The following NEGR1 variants were observed in gnomAD, a reference collection of about 807,000 sequenced individuals.
NEGR1 encodes IgLON family member 4.
Under a neutral mutation model 40.9 loss-of-function variants are expected in NEGR1, and 10 were observed. That is an observed-to-expected ratio of 0.24 (90% CI 0.15 to 0.42). The LOEUF (loss-of-function observed/expected upper bound fraction) is 0.42, where lower values mean the gene tolerates loss of function less well. NEGR1 is among the 10% of genes least tolerant of loss of function. The pLI is 1.00. For synonymous variants in NEGR1, 185 were observed against 166.8 expected (o/e 1.11, Z -0.84); for missense variants, 352 against 438.9 (o/e 0.80, Z 1.77).
intron 6 of NEGR1, among the ~76,000 whole-genome samples, chr1:71,502,613 T>G (rs571308704): frequency 6.6e-6 from 1 of 152,252 alleles, no homozygotes; most frequent in African/African-American, 2.4e-5. Flanking sequence ...CTGATTTAAG[T>G]GGCCCACTCT....
At chr1:71,668,848 A>C (rs1416373472) in intron 4 of NEGR1, among the ~76,000 whole-genome samples, 1 of 152,168 alleles carries the variant, frequency 6.6e-6, no homozygotes, top group Non-Finnish European at 1.5e-5. Flanking sequence ...AATGGAGGGA[A>C]TGTTCCCAAG....
chr1:72,196,353 A>G (rs1652998455), intron 1 of NEGR1, among the ~76,000 whole-genome samples: 1 of 152,150 alleles, frequency 6.6e-6, no homozygotes, highest in Non-Finnish European at 1.5e-5. Context: ...GATTTTCAAC[A>G]TGAATTTGTT....
At chr1:71,732,485 C>T (rs866559636) in intron 3 of NEGR1, among the ~76,000 whole-genome samples, 84 of 137,682 alleles carry the variant, frequency 6.1e-4, no homozygotes, top group African/African-American at 2.1e-3. Flanking sequence ...CGACACATTA[C>T]TGAATGCTGT....
intron 6 of NEGR1, among the ~76,000 whole-genome samples, chr1:71,408,503 G>A (rs1646293918): frequency 6.6e-6 from 1 of 151,986 alleles, no homozygotes; most frequent in African/African-American, 2.4e-5. Context: ...CTGAATACCT[G>A]AAAATTCACC....
intron 1 of NEGR1, among the ~76,000 whole-genome samples, chr1:72,229,149 C>T (rs1276476931): frequency 1.3e-5 from 2 of 151,834 alleles, no homozygotes; most frequent in Non-Finnish European, 2.9e-5. Flanking sequence ...GTATTAGAAA[C>T]CATTACTAAA....
chr1:71,898,417 T>C (rs956313437), intron 2 of NEGR1, among the ~76,000 whole-genome samples: 1 of 152,026 alleles, frequency 6.6e-6, no homozygotes, highest in Non-Finnish European at 1.5e-5. Context: ...AGATCGAGAC[T>C]ATCCTGGCTA....
At chr1:71,648,068 C>G (rs1242234506) in intron 4 of NEGR1, among the ~76,000 whole-genome samples, 1 of 151,934 alleles carries the variant, frequency 6.6e-6, no homozygotes, top group Non-Finnish European at 1.5e-5. Flanking sequence ...TTTTCTTGAG[C>G]CTGAAAAATA....
intron 4 of NEGR1, among the ~76,000 whole-genome samples, chr1:71,633,469 T>C (rs1325372736): frequency 6.6e-6 from 1 of 152,070 alleles, no homozygotes; most frequent in Admixed American, 6.6e-5. Context: ...AGTTTGAGTC[T>C]AAAAGTGGGA....
At chr1:71,621,574 C>T (rs1650609755) in intron 4 of NEGR1, among the ~76,000 whole-genome samples, 1 of 150,816 alleles carries the variant, frequency 6.6e-6, no homozygotes, top group Admixed American at 6.6e-5. Context: ...CTTTGATTCC[C>T]TTATGTTTGA....
intron 1 of NEGR1, among the ~76,000 whole-genome samples, chr1:71,960,619 G>GT (rs1470418536): frequency 2.0e-5 from 3 of 152,036 alleles, no homozygotes; most frequent in Non-Finnish European, 2.9e-5. Flanking sequence ...CTGTTATTAG[G>GT]TTTTTTCATT....
Position 71,926,860 on chromosome 1 carries a change from A to C in NEGR1, c.409+8219T>G, listed in dbSNP as rs531794561. 7.9e-5 allele frequency among the ~76,000 whole-genome samples: 12 copies of C among 152,308 alleles called. No individual in the cohort carries two copies. The South Asian group carries it at 1.4e-3, about 18-fold the overall frequency. On this transcript the variant is annotated intron_variant, in intron 2 of 6. Coordinates refer to ENST00000357731, the MANE Select transcript of NEGR1 (RefSeq NM_173808.3). ...AAAACTTCATGTGATAATTTTGCTT[A>C]GGAATATATGATCTATATATTTACA...
At chr1:71,693,734 C>T (rs1653376418) in intron 4 of NEGR1, among the ~76,000 whole-genome samples, 1 of 151,520 alleles carries the variant, frequency 6.6e-6, no homozygotes, top group South Asian at 2.1e-4. Context: ...ATTTCCAAAA[C>T]TGGCACTCTT....
intron 1 of NEGR1, among the ~76,000 whole-genome samples, chr1:72,239,068 C>T (rs1654651964): frequency 6.6e-6 from 1 of 151,822 alleles, no homozygotes; most frequent in South Asian, 2.1e-4. Flanking sequence ...CTTCACATGA[C>T]TTTTGGGTCA....
chr1:71,984,420 C>T lies in NEGR1; in HGVS notation c.177-49109G>A, dbSNP rs927962287. ...GATTACAGGTATGAACCACTGTGCC[C>T]GGCCTTGAAATAACTTTTAATGTCC... is the stretch of plus-strand genomic sequence containing the variant. On this transcript the variant is annotated intron_variant, in intron 1 of 6. Transcript: ENST00000357731. Among the ~76,000 whole-genome samples, 6 of 151,970 alleles carry T rather than the reference C, an allele frequency of 3.9e-5. No homozygotes were observed. In the East Asian group the frequency reaches 1.2e-3, roughly 29 times the overall value.
At chr1:72,237,220 T>C (rs941858663) in intron 1 of NEGR1, among the ~76,000 whole-genome samples, 1 of 151,984 alleles carries the variant, frequency 6.6e-6, no homozygotes, top group Non-Finnish European at 1.5e-5. Flanking sequence ...TTTACTTTCT[T>C]AAAATAGTGG....
chr1:71,838,174 T>C (rs1659110481), intron 2 of NEGR1, among the ~76,000 whole-genome samples: 1 of 152,120 alleles, frequency 6.6e-6, no homozygotes, highest in Non-Finnish European at 1.5e-5. Context: ...ATCGTTAGTA[T>C]ACGCTTTTGA....
At chr1:71,930,156 T>G (rs976041026) in intron 2 of NEGR1, among the ~76,000 whole-genome samples, 2 of 145,172 alleles carry the variant, frequency 1.4e-5, no homozygotes, top group African/African-American at 5.6e-5. Flanking sequence ...ATTTTTAAAT[T>G]TTTTTTTTAC....
intron 2 of NEGR1, among the ~76,000 whole-genome samples, chr1:71,854,422 T>C (rs1000626045): frequency 6.6e-6 from 1 of 152,122 alleles, no homozygotes; most frequent in Non-Finnish European, 1.5e-5. Context: ...AAATACATTT[T>C]TGTACCCCAC....
chr1:71,423,308 T>A (rs935000655), intron 6 of NEGR1, among the ~76,000 whole-genome samples: 4 of 152,142 alleles, frequency 2.6e-5, no homozygotes, highest in Non-Finnish European at 4.4e-5. Flanking sequence ...GGTGAGAGGA[T>A]TGCTTGAGCC....
Sources: allele counts gnomAD v4.1 joint callset (sites outside exome capture counted in the v4.1 genomes callset), GRCh38; gene constraint gnomAD v4.1.1; transcripts MANE v1.5; gene names NCBI Gene and HGNC (gene_info 2026-07-23, HGNC 2026-07-21).